HDAC4: variants seen among roughly 807,000 people sequenced by gnomAD.
The protein encoded by HDAC4 is histone deacetylase A.
Under a neutral mutation model 135.1 loss-of-function variants are expected in HDAC4, and 16 were observed. That is an observed-to-expected ratio of 0.12 (90% CI 0.08 to 0.18). HDAC4 has a LOEUF of 0.18. Among genes scored for constraint, HDAC4 ranks in the 10% least tolerant of loss-of-function variants. The pLI is 1.00. For missense variants in HDAC4, 1,143 were observed against 1,511.8 expected, an observed-to-expected ratio of 0.76 and a Z score of 4.05; for synonymous variants, 685 against 653.4, an observed-to-expected ratio of 1.05 and a Z score of -0.74.
At chr2:239,277,744 C>A (rs146798334) in intron 2 of HDAC4, among the ~76,000 whole-genome samples, 125 of 152,342 alleles carry the variant, frequency 8.2e-4, no homozygotes, top group African/African-American at 3.0e-3. Context: ...CGCCCAACAG[C>A]GCTTAGCAAA....
intron 22 of HDAC4, among the ~76,000 whole-genome samples, chr2:239,076,124 G>A (rs371846175): frequency 3.2e-4 from 49 of 151,754 alleles, no homozygotes; most frequent in African/African-American, 1.1e-3. Flanking sequence ...AAGCTGGGCC[G>A]GGATAGCAGT....
Position 239,089,879 on chromosome 2 carries a change from GGGTCCACGCCTCCCCATCACAGCCGCC to G in HDAC4, c.2388+103_2388+129del. On this transcript the variant is annotated intron_variant, in intron 18 of 26. Transcript: ENST00000543185. Reference sequence around the variant, plus strand: ...ATAGCGAGGCTGTGCTGACAGAGTGGGGTCCACGCCTCCCCATCACAGCCGCCTCCCAGCCTGATGAGAGGGAGACGG... The same window carrying G: ...ATAGCGAGGCTGTGCTGACAGAGTGGTCCCAGCCTGATGAGAGGGAGACGG... 3 of 731,866 alleles carry G rather than the reference GGGTCCACGCCTCCCCATCACAGCCGCC, an allele frequency of 4.1e-6. No homozygotes were observed. The South Asian group carries it at 4.3e-5, about 11-fold the overall frequency. 45.3% of individuals were successfully genotyped at this position (731,866 alleles called of 1,614,324 possible).
Position 239,189,845 on chromosome 2 carries a change from G to C in HDAC4, c.327C>G (p.His109Gln). The change falls in exon 4 of 27, where the codon CAC (histidine) becomes CAG (glutamine). Residue 109 changes from histidine (H) to glutamine (Q), a missense_variant. His to Gln is a conservative substitution (Grantham distance 24). Transcript: ENST00000543185. ...CACCGCGCCTCACCTTGATGTGCTC[G>C]TGGAGCTGCGCCTCGTGCTGCCGGG... ...QLSRQHEAQL[H>Q]EHIKQQQEML... The C allele has an allele frequency of 1.2e-6, 2 of 1,607,346 alleles. No individual in the cohort carries two copies. Among genetic ancestry groups the C allele is most frequent in the Non-Finnish European group, 1.7e-6 (2 of 1,179,676 alleles).
rs2049409673 is a variant in HDAC4, at chr2:239,262,127, G to T, written c.23-25463C>A. Reference sequence around the variant, plus strand: ...GCCAGCGCCGCCTGCAGTGACGCCGGGCCACGCTCACCCCAAGGCCCAAGA... The same window carrying T: ...GCCAGCGCCGCCTGCAGTGACGCCGTGCCACGCTCACCCCAAGGCCCAAGA... On this transcript the variant is annotated intron_variant, in intron 2 of 26. Transcript: ENST00000543185. The surrounding 1 kb of genome is among the most constrained non-coding windows in gnomAD (Gnocchi z 4.1). 6.6e-6 allele frequency among the ~76,000 whole-genome samples: 1 copy of T among 152,118 alleles called. No homozygotes were observed. Among genetic ancestry groups the T allele is most frequent in the Non-Finnish European group, 1.5e-5 (1 of 68,030 alleles).
rs200570751 is a variant in HDAC4 at position 239,146,238 on chromosome 2, C to CAAA, written c.734-1527_734-1525dup. On this transcript the variant is annotated intron_variant, in intron 7 of 26. Coordinates refer to ENST00000543185, the MANE Select transcript of HDAC4 (RefSeq NM_001378414.1). The surrounding 1 kb of genome is among the most constrained non-coding windows in gnomAD (Gnocchi z 4.5). ...CATTATTCAAAAGACAAAACAAAAC[C>CAAA]AAAAAAAACAAGCCAAAAAACCCAA... Among the ~76,000 whole-genome samples the CAAA allele has an allele frequency of 1.3e-5, 2 of 151,736 alleles. No homozygotes were observed. Among genetic ancestry groups the CAAA allele is most frequent in the Non-Finnish European group, 2.9e-5 (2 of 67,928 alleles).
chr2:239,183,229 C>A (rs1166418697), intron 4 of HDAC4, among the ~76,000 whole-genome samples: 1 of 152,094 alleles, frequency 6.6e-6, no homozygotes, highest in Non-Finnish European at 1.5e-5. Context: ...ATATAGGAGC[C>A]CCAGAATTTA....
chr2:239,115,355 C>G lies in HDAC4; in HGVS notation c.1534-45G>C. 6.2e-7 allele frequency: 1 copy of G among 1,609,630 alleles called. No individual in the cohort carries two copies. ...CATGAAGCACAGAGAGCTGGGTCCT[C>G]TGAGCTCATCTGACAGGAGAAGGGA... On this transcript the variant is annotated intron_variant, in intron 12 of 26. Coordinates refer to ENST00000543185, the MANE Select transcript of HDAC4 (RefSeq NM_001378414.1). The surrounding 1 kb of genome is among the most constrained non-coding windows in gnomAD (Gnocchi z 6.3).
intron 12 of HDAC4, among the ~76,000 whole-genome samples, chr2:239,118,694 A>G (rs1420443687): frequency 6.6e-6 from 1 of 152,156 alleles, no homozygotes; most frequent in Non-Finnish European, 1.5e-5. Flanking sequence ...GTATCAAATC[A>G]TCACGCCGTA....
chr2:239,200,577 C>G (rs746554626), intron 3 of HDAC4, among the ~76,000 whole-genome samples: 1 of 152,100 alleles, frequency 6.6e-6, no homozygotes, highest in Non-Finnish European at 1.5e-5. Flanking sequence ...CTTATGTTAA[C>G]AATCACTGTA....
chr2:239,153,575 G>A (rs929537650), intron 7 of HDAC4, among the ~76,000 whole-genome samples: 4 of 152,034 alleles, frequency 2.6e-5, no homozygotes, highest in Non-Finnish European at 5.9e-5. Context: ...ACGTTTTCTC[G>A]GAAATCTTTA....
intron 16 of HDAC4, among the ~76,000 whole-genome samples, chr2:239,100,042 C>T (rs6715517): frequency 0.29 from 44,339 of 152,184 alleles, 6,686 homozygotes; most frequent in Non-Finnish European, 0.33. Context: ...CTGGCATGGC[C>T]GCAGGCCCCA....
In HDAC4 at chr2:239,356,330, T is replaced by C. The variant is rs371314330; in HGVS notation, c.-219-3412A>G. 1.6e-4 allele frequency among the ~76,000 whole-genome samples: 24 copies of C among 152,202 alleles called. No homozygotes were observed. The South Asian group carries it at 4.8e-3, about 30-fold the overall frequency. On this transcript the variant is annotated intron_variant, in intron 1 of 26. Coordinates refer to ENST00000543185, the MANE Select transcript of HDAC4 (RefSeq NM_001378414.1). ...CTATATCAGTGAGCATATCAAACTG[T>C]CTCAACACCCCATTTAAAGGGCAGG... is the stretch of plus-strand genomic sequence containing the variant.
Position 239,176,557 on chromosome 2 carries a change from G to T in HDAC4, c.346C>A (p.Gln116Lys), listed in dbSNP as rs1405183966. 6.2e-7 allele frequency: 1 copy of T among 1,612,910 alleles called. No individual in the cohort carries two copies. The change falls in exon 5 of 27, where the codon CAG becomes AAG. Residue 116 changes from glutamine to lysine, a missense_variant. By Grantham distance (53) the Gln-to-Lys change is moderately conservative. This residue lies in a region of HDAC4 where 247 missense variants were observed against 310.0 expected (regional missense o/e 0.80). Coordinates refer to ENST00000543185, the MANE Select transcript of HDAC4 (RefSeq NM_001378414.1). ...AQLHEHIKQQQEMLAMKHQQE... is the reference protein window; with the variant it reads ...AQLHEHIKQQKEMLAMKHQQE... ...TGGTGCTTCATGGCCAGCATCTCCT[G>T]TTGTTGCTGCAAGTGGAAGGAGGAG...
chr2:239,176,569 A>G lies in HDAC4; in HGVS notation c.340-6T>C. ...GCCAGCATCTCCTGTTGTTGCTGCA[A>G]GTGGAAGGAGGAGACAGACGGTCAG... On this transcript the variant is annotated splice_polypyrimidine_tract_variant and splice_region_variant and intron_variant, in intron 4 of 26. Coordinates refer to ENST00000543185, the MANE Select transcript of HDAC4 (RefSeq NM_001378414.1). 1 of 1,612,314 alleles carries G rather than the reference A, an allele frequency of 6.2e-7. No homozygotes were observed. Among genetic ancestry groups the G allele is most frequent in the Non-Finnish European group, 8.5e-7 (1 of 1,179,778 alleles).
At chr2:239,093,955 ATTCTCT>A in intron 17 of HDAC4, 1 of 985,370 alleles carries the variant, frequency 1.0e-6, no homozygotes, top group Non-Finnish European at 1.2e-6. Flanking sequence ...AATGCCGTTT[ATTCTCT>A]TTCTGACGGG....
At chr2:239,388,954 G>C (rs1183141528) in intron 1 of HDAC4, among the ~76,000 whole-genome samples, 1 of 152,212 alleles carries the variant, frequency 6.6e-6, no homozygotes, top group Non-Finnish European at 1.5e-5. Flanking sequence ...TCCACTGCCA[G>C]AGAACCCTGC....
chr2:239,192,105 G>C (rs1249960438), intron 3 of HDAC4, among the ~76,000 whole-genome samples: 2 of 152,218 alleles, frequency 1.3e-5, no homozygotes. Context: ...TATTATGTGA[G>C]AAGAATCTAC....
At chr2:239,109,632 G>A (rs1347328713) in intron 14 of HDAC4, among the ~76,000 whole-genome samples, 1 of 151,420 alleles carries the variant, frequency 6.6e-6, no homozygotes, top group Non-Finnish European at 1.5e-5. Flanking sequence ...AAAGCATCAG[G>A]GTAGGTGCAG....
Position 239,048,578 on chromosome 2 carries a change from T to G in HDAC4, c.*4519A>C, listed in dbSNP as rs1574819752. 1 of 151,948 alleles carries G rather than the reference T, an allele frequency of 6.6e-6. No homozygotes were observed. The highest frequency in any genetic ancestry group is 1.9e-4 in the East Asian group (1 of 5,194). The allele number at this position is 151,948 out of a possible 1,614,324, so 9.4% of individuals were successfully genotyped here. On this transcript the variant is annotated 3_prime_UTR_variant, in exon 27 of 27. Coordinates refer to ENST00000543185, the MANE Select transcript of HDAC4 (RefSeq NM_001378414.1). ...CCCCCTGTATAGATAGATAGATAGA[T>G]AGATAGATAGATAGATTATATATGT...
Sources: allele counts gnomAD v4.1 joint callset (sites outside exome capture counted in the v4.1 genomes callset), GRCh38; gene constraint gnomAD v4.1.1; regional missense constraint gnomAD v4.1.1; non-coding constraint Gnocchi (gnomAD v3.1); transcripts MANE v1.5; gene names NCBI Gene and HGNC (gene_info 2026-07-23, HGNC 2026-07-21).